The following CHSY3 variants were observed in gnomAD, a reference collection of about 807,000 sequenced individuals.
CHSY3 encodes the protein N-acetylgalactosaminyl-proteoglycan 3-beta-glucuronosyltransferase 3.
CHSY3 carries 35 observed loss-of-function variants against 67.2 expected under a neutral mutation model. That is an observed-to-expected ratio of 0.52 (90% CI 0.40 to 0.69). The LOEUF (loss-of-function observed/expected upper bound fraction) is 0.69, where lower values mean the gene tolerates loss of function less well. CHSY3 is among the 30% of genes least tolerant of loss of function. CHSY3 has a pLI of 0.00. For synonymous variants in CHSY3, 474 were observed against 434.7 expected, an observed-to-expected ratio of 1.09 and a Z score of -1.12; for missense variants, 1,069 against 1,138.5, an observed-to-expected ratio of 0.94 and a Z score of 0.88.
At chr5:130,079,487 G>T (rs570038869) in intron 2 of CHSY3, among the ~76,000 whole-genome samples, 1 of 151,986 alleles carries the variant, frequency 6.6e-6, no homozygotes, top group Non-Finnish European at 1.5e-5. Flanking sequence ...AAATATTTTT[G>T]CCTCTTTCCT....
intron 2 of CHSY3, among the ~76,000 whole-genome samples, chr5:129,930,827 G>A (rs1761284238): frequency 6.6e-6 from 1 of 152,158 alleles, no homozygotes; most frequent in Non-Finnish European, 1.5e-5. Context: ...TCCTACTGCT[G>A]GGGATTGAGC....
At chr5:129,999,126 T>C (rs1211694439) in intron 2 of CHSY3, among the ~76,000 whole-genome samples, 1 of 148,146 alleles carries the variant, frequency 6.8e-6, no homozygotes, top group African/African-American at 2.5e-5. Context: ...CCCCCTCCCT[T>C]TTTTTTTTTT....
chr5:129,926,502 T>C (rs1290169414), intron 2 of CHSY3, among the ~76,000 whole-genome samples: 2 of 151,996 alleles, frequency 1.3e-5, no homozygotes, highest in African/African-American at 2.4e-5. Flanking sequence ...TCCATGATCA[T>C]TGATTTTCCA....
At chr5:130,173,581 G>C (rs555810720) in intron 2 of CHSY3, among the ~76,000 whole-genome samples, 1 of 152,200 alleles carries the variant, frequency 6.6e-6, no homozygotes. Context: ...TAGATCAGAT[G>C]TATCTATTAT....
At chr5:130,088,241 G>A (rs942155594) in intron 2 of CHSY3, among the ~76,000 whole-genome samples, 13 of 151,894 alleles carry the variant, frequency 8.6e-5, no homozygotes, top group East Asian at 5.8e-4. Context: ...AGACTTAAAC[G>A]TTAGACCTAA....
At chr5:130,100,397 G>C (rs1038978536) in intron 2 of CHSY3, among the ~76,000 whole-genome samples, 1 of 147,518 alleles carries the variant, frequency 6.8e-6, no homozygotes, top group Non-Finnish European at 1.5e-5. Context: ...GGCTTTCACC[G>C]TGTTAGCCAG....
At chr5:130,169,034 A>G (rs1188505232) in intron 2 of CHSY3, among the ~76,000 whole-genome samples, 1 of 152,116 alleles carries the variant, frequency 6.6e-6, no homozygotes, top group African/African-American at 2.4e-5. Flanking sequence ...GTTAGGGAGG[A>G]TGGAATCAAG....
chr5:129,991,234 G>A (rs1040979197), intron 2 of CHSY3, among the ~76,000 whole-genome samples: 4 of 152,116 alleles, frequency 2.6e-5, no homozygotes, highest in Non-Finnish European at 5.9e-5. Flanking sequence ...GGAAGGTGAT[G>A]CTGGAGTTTG....
chr5:130,008,583 A>G (rs1454210226), intron 2 of CHSY3, among the ~76,000 whole-genome samples: 1 of 152,202 alleles, frequency 6.6e-6, no homozygotes, highest in Non-Finnish European at 1.5e-5. Flanking sequence ...TCCTCCAAAC[A>G]ACCCACTAGC....
At chr5:130,001,425 C>T in intron 2 of CHSY3, 1 of 861,258 alleles carries the variant, frequency 1.2e-6, no homozygotes, top group Non-Finnish European at 1.4e-6. Flanking sequence ...GAAGAAATTA[C>T]CAGATGATGA....
rs73788437 is a variant in CHSY3, at chr5:130,184,586, C to G, written c.1444C>G (p.Pro482Ala). 6.2e-7 allele frequency: 1 copy of G among 1,611,420 alleles called. No homozygotes were observed. The highest frequency in any genetic ancestry group is 1.3e-5 in the African/African-American group (1 of 74,982). ...KLLYSAAENQ[P>A]PRQSLSSILR... ...TCTATACTCAGCAGCTGAGAACCAG[C>G]CCCCTCGACAGAGCCTCAGTAGCAT... is the stretch of plus-strand genomic sequence containing the variant. Residue 482 changes from proline (P) to alanine (A), a missense_variant, in exon 3 of 3, where the codon CCC becomes GCC. By Grantham distance (27) the Pro-to-Ala change is conservative. This residue lies in a region of CHSY3 where 401 missense variants were observed against 395.2 expected (regional missense o/e 1.01). Coordinates refer to ENST00000305031, the MANE Select transcript of CHSY3 (RefSeq NM_175856.5).
chr5:130,086,040 A>C (rs895798667), intron 2 of CHSY3, among the ~76,000 whole-genome samples: 14 of 152,130 alleles, frequency 9.2e-5, no homozygotes, highest in African/African-American at 3.4e-4. Flanking sequence ...CTATGTGGTC[A>C]ATTTTGGAAT....
intron 2 of CHSY3, among the ~76,000 whole-genome samples, chr5:129,957,602 A>G (rs1488851935): frequency 6.6e-6 from 1 of 152,164 alleles, no homozygotes; most frequent in African/African-American, 2.4e-5. Flanking sequence ...TTTTAGGTTC[A>G]AAATATTTTT....
intron 2 of CHSY3, among the ~76,000 whole-genome samples, chr5:129,939,585 T>C (rs1270138725): frequency 6.6e-6 from 1 of 152,210 alleles, no homozygotes; most frequent in Non-Finnish European, 1.5e-5. Context: ...TGGATTTTTC[T>C]CTCCAAATAA....
intron 2 of CHSY3, among the ~76,000 whole-genome samples, chr5:129,950,135 T>C (rs1258921249): frequency 6.9e-6 from 1 of 145,102 alleles, no homozygotes; most frequent in Non-Finnish European, 1.5e-5. Flanking sequence ...GCCACTGCAC[T>C]CCAGCCTGGT....
At position 130,003,014 on chromosome 5, in the gene CHSY3, A is replaced by G. The variant is rs529485403; in HGVS notation, c.1086+94654A>G. ...CTAGTTTCTTTGGGTTGCTTTGCAC[A>G]TGAATGTTATCAGGACTTCTCAGAT... On this transcript the variant is annotated intron_variant, in intron 2 of 2. Coordinates refer to ENST00000305031, the MANE Select transcript of CHSY3 (RefSeq NM_175856.5). Among the ~76,000 whole-genome samples, 10 of 152,302 alleles carry G rather than the reference A, an allele frequency of 6.6e-5. No individual in the cohort carries two copies. In the South Asian group the frequency reaches 1.7e-3, roughly 25 times the overall value.
At chr5:130,124,420 G>A (rs1420060765) in intron 2 of CHSY3, among the ~76,000 whole-genome samples, 1 of 150,964 alleles carries the variant, frequency 6.6e-6, no homozygotes, top group Non-Finnish European at 1.5e-5. Flanking sequence ...AAATTTATCT[G>A]CACTTCAGTA....
chr5:129,921,495 G>T (rs244747), intron 2 of CHSY3, among the ~76,000 whole-genome samples: 85,502 of 151,990 alleles, frequency 0.56, 24,127 homozygotes, highest in Middle Eastern at 0.63. Flanking sequence ...TATAATTTGT[G>T]TATTTCTAGA....
intron 2 of CHSY3, among the ~76,000 whole-genome samples, chr5:130,149,863 A>G (rs901542721): frequency 5.3e-5 from 8 of 152,210 alleles, no homozygotes. Context: ...TTTTTAAAAT[A>G]TGAATTATGC....
Sources: gnomAD v4.1 joint callset for allele counts (sites outside exome capture counted in the v4.1 genomes callset) on GRCh38, gnomAD v4.1.1 for gene constraint, gnomAD v4.1.1 regional missense constraint, MANE v1.5 for transcripts, NCBI Gene and HGNC (gene_info 2026-07-23, HGNC 2026-07-21) for gene names.